Variants in SAMD4B observed in about 807,000 individuals in gnomAD.
SAMD4B encodes sterile alpha motif domain containing 4B.
Under a neutral mutation model 74.5 loss-of-function variants are expected in SAMD4B, and 5 were observed. The observed-to-expected ratio is 0.07, with a 90% CI of 0.04 to 0.14. The LOEUF (loss-of-function observed/expected upper bound fraction) is 0.14, where lower values mean the gene tolerates loss of function less well. Among genes scored for constraint, SAMD4B ranks in the 10% least tolerant of loss-of-function variants. The pLI is 1.00. For missense variants in SAMD4B, 608 were observed against 921.8 expected (o/e 0.66, Z 4.41); for synonymous variants, 373 against 374.9 (o/e 1.00, Z 0.06).
At chr19:39,368,095 TC>T (rs1372682134) in intron 3 of SAMD4B, among the ~76,000 whole-genome samples, 1 of 151,768 alleles carries the variant, frequency 6.6e-6, no homozygotes, top group Non-Finnish European at 1.5e-5. Context: ...GCGCCTGTAG[TC>T]CCAGCTACTC....
At chr19:39,358,248 G>T (rs1378779017) in intron 3 of SAMD4B, among the ~76,000 whole-genome samples, 2 of 152,182 alleles carry the variant, frequency 1.3e-5, no homozygotes, top group Non-Finnish European at 2.9e-5. Flanking sequence ...TCCAGCCTGG[G>T]CTATGAGAGC....
At chr19:39,390,163 T>C (rs1471524254), downstream of SAMD4B, 1 of 1,613,638 alleles carries the variant, frequency 6.2e-7, no homozygotes, top group Non-Finnish European at 8.5e-7. Flanking sequence ...ACTCCAGACC[T>C]AGGAACATTA....
chr19:39,379,575 G>T (rs1223632162), intron 9 of SAMD4B, among the ~76,000 whole-genome samples: 1 of 152,118 alleles, frequency 6.6e-6, no homozygotes, highest in Non-Finnish European at 1.5e-5. Context: ...GATGAGCAAT[G>T]AATCTTTTTT....
chr19:39,378,880 G>A lies in SAMD4B; in HGVS notation c.1530+291G>A, dbSNP rs576513514. Among the ~76,000 whole-genome samples, 1 of 152,374 alleles carries A rather than the reference G, an allele frequency of 6.6e-6. No homozygotes were observed. The highest frequency in any genetic ancestry group is 2.1e-4 in the South Asian group (1 of 4,834). On this transcript the variant is annotated intron_variant, in intron 9 of 13. Transcript: ENST00000610417. This position sits in a 1 kb window ranked among gnomAD's most constrained non-coding sequence, Gnocchi z 4.4. ...GATCGCGCCACTGCACTCCAGCCTGGACGACAGAGTGAGGGAAAGCCTGCC... is the reference window on the plus strand; with the variant it reads ...GATCGCGCCACTGCACTCCAGCCTGAACGACAGAGTGAGGGAAAGCCTGCC...
chr19:39,382,157 T>G (rs569368629), intron 12 of SAMD4B, among the ~76,000 whole-genome samples: 11 of 152,320 alleles, frequency 7.2e-5, no homozygotes, highest in African/African-American at 2.6e-4. Flanking sequence ...TTGATGAGGT[T>G]GTGTAGACAG....
rs767091961 is a variant in SAMD4B, at chr19:39,381,092, G to A, written c.1951G>A (p.Ala651Thr). ...HSLPVHSSPQ[A>T]ILMFPPDCPV... is the part of the protein sequence containing the mutation. ...GCTCCCGGTCCACTCGTCACCCCAG[G>A]CCATTCTCATGTTCCCTCCAGGTGA... is the stretch of plus-strand genomic sequence containing the variant. The change falls in exon 12 of 14, where the codon GCC becomes ACC. Residue 651 changes from alanine (A) to threonine (T), a missense_variant. By Grantham distance (58) the Ala-to-Thr change is moderately conservative (BLOSUM62 0). Around this residue, in one of 9 missense-constraint regions of SAMD4B, gnomAD observed 167 missense variants for 193.0 expected, o/e 0.87. Transcript: ENST00000610417. 4 of 1,611,864 alleles carry A rather than the reference G, an allele frequency of 2.5e-6. No homozygotes were observed. Among genetic ancestry groups the A allele is most frequent in the South Asian group, 1.1e-5 (1 of 90,830 alleles).
In SAMD4B at chr19:39,380,895, G is replaced by A. The variant is rs13344909; in HGVS notation, c.1849-95G>A. Reference sequence around the variant, plus strand: ...CTGGACCCAGCTTAGAGGTGGCGGGGGTGGGAGTGGGAGAAGGCCTGTACC... The same window carrying A: ...CTGGACCCAGCTTAGAGGTGGCGGGAGTGGGAGTGGGAGAAGGCCTGTACC... On this transcript the variant is annotated intron_variant, in intron 11 of 13. Transcript: ENST00000610417. The A allele has an allele frequency of 8.4e-3, 12,778 of 1,521,690 alleles. 588 individuals are homozygous for A. In the African/African-American group the frequency reaches 0.12, roughly 15 times the overall value. 94.3% of individuals were successfully genotyped at this position (1,521,690 alleles called of 1,614,324 possible). A position where few individuals can be genotyped will look rare whatever the true frequency, so the allele number is the denominator to read the frequency against.
At position 39,376,843 on chromosome 19, in the gene SAMD4B, C is replaced by T. The variant is rs377508144; in HGVS notation, c.1104+52C>T. 3.3e-6 allele frequency: 5 copies of T among 1,521,942 alleles called. No homozygotes were observed. In the African/African-American group the frequency reaches 6.9e-5, roughly 21 times the overall value. 94.3% of individuals were successfully genotyped at this position (1,521,942 alleles called of 1,614,324 possible). A position where few individuals can be genotyped will look rare whatever the true frequency, so the allele number is the denominator to read the frequency against. On this transcript the variant is annotated intron_variant, in intron 7 of 13. Transcript: ENST00000610417. The stretch of plus-strand genomic sequence containing the variant: ...AGGCCAGCCAGCCACTTGGTGGTAC[C>T]AGTAGACCAAAGGCCCTGAGTTGGC...
downstream of SAMD4B, among the ~76,000 whole-genome samples, chr19:39,390,448 C>T (rs996069763): frequency 5.9e-5 from 9 of 152,154 alleles, no homozygotes; most frequent in African/African-American, 2.2e-4. Flanking sequence ...TGGAAGGAGA[C>T]AAATGTTCAA....
Position 39,377,710 on chromosome 19 carries a change from G to A in SAMD4B, c.1330G>A (p.Val444Met), listed in dbSNP as rs531956970. The change falls in exon 8 of 14, where the codon GTG (valine) becomes ATG (methionine). Residue 444 changes from valine to methionine, a missense_variant. Around this residue, in one of 9 missense-constraint regions of SAMD4B, gnomAD observed 99 missense variants for 112.1 expected, o/e 0.88. Coordinates refer to ENST00000610417, the MANE Select transcript of SAMD4B (RefSeq NM_001384574.2). ...KGTEAKDPPA[V>M]ENYPPPPAPA... ...CACCGAGGCCAAGGACCCTCCAGCT[G>A]TGGAGAACTACCCACCTCCACCAGC... 1 of 1,614,224 alleles carries A rather than the reference G, an allele frequency of 6.2e-7. No individual in the cohort carries two copies. Among genetic ancestry groups the A allele is most frequent in the East Asian group, 2.2e-5 (1 of 44,882 alleles).
chr19:39,344,539 C>G (rs1044073688), intron 1 of SAMD4B, among the ~76,000 whole-genome samples: 1 of 152,220 alleles, frequency 6.6e-6, no homozygotes, highest in Non-Finnish European at 1.5e-5. Context: ...GATTCCACTT[C>G]TGACATCCCC....
At chr19:39,389,488 G>A (rs771564066), downstream of SAMD4B, 15 of 1,614,144 alleles carry the variant, frequency 9.3e-6, 1 homozygote, top group South Asian at 1.3e-4. The surrounding 1 kb of genome is among the most constrained non-coding windows in gnomAD (Gnocchi z 5.3). Flanking sequence ...ACCTCTTGGA[G>A]CTGGTGGGGG....
rs1312397506 is a variant in SAMD4B at position 39,376,723 on chromosome 19, C to T, written c.1036C>T (p.Arg346Cys). ...LESQNVTKGA[R>C]HKIALSIQKL... ...ATCACAGAACGTCACCAAAGGTGCCCGCCACAAGATAGCCCTGAGCATCCA... is the reference window on the plus strand; with the variant it reads ...ATCACAGAACGTCACCAAAGGTGCCTGCCACAAGATAGCCCTGAGCATCCA... Residue 346 changes from arginine to cysteine, a missense_variant, in exon 7 of 14, where the codon CGC becomes TGC. Arg to Cys is a radical substitution (Grantham distance 180, BLOSUM62 -3). Transcript: ENST00000610417. 2.5e-6 allele frequency: 4 copies of T among 1,614,036 alleles called. No individual in the cohort carries two copies. The highest frequency in any genetic ancestry group is 3.4e-6 in the Non-Finnish European group (4 of 1,180,032).
downstream of SAMD4B, chr19:39,389,082 C>T (rs763721654): frequency 3.7e-6 from 6 of 1,612,046 alleles, no homozygotes; most frequent in Non-Finnish European, 5.1e-6. The surrounding 1 kb of genome is among the most constrained non-coding windows in gnomAD (Gnocchi z 5.3). Context: ...CCATCCCAGT[C>T]CCTCAATTAC....
chr19:39,358,540 G>A (rs1451699427), intron 3 of SAMD4B, among the ~76,000 whole-genome samples: 5 of 150,900 alleles, frequency 3.3e-5, no homozygotes, highest in East Asian at 2.0e-4. Context: ...ATGAGCCACC[G>A]CACCCAGCCA....
chr19:39,380,499 A>G (rs1246086863), intron 10 of SAMD4B, 88 bp from the exon 11 acceptor site: 2 of 1,366,180 alleles, frequency 1.5e-6, no homozygotes, highest in Admixed American at 1.7e-5. Flanking sequence ...CTCTCCTACA[A>G]CTTGGGGTTG....
intron 4 of SAMD4B, among the ~76,000 whole-genome samples, chr19:39,372,756 C>G (rs1253129511): frequency 6.6e-6 from 1 of 152,142 alleles, no homozygotes; most frequent in Non-Finnish European, 1.5e-5. Context: ...CTGCCTACTT[C>G]TTGGCTGAGA....
chr19:39,357,373 G>A (rs1317023907), intron 3 of SAMD4B, among the ~76,000 whole-genome samples: 3 of 152,176 alleles, frequency 2.0e-5, no homozygotes, highest in South Asian at 2.1e-4. Context: ...GCTGCTGAAA[G>A]GAACAGACTA....
At position 39,380,685 on chromosome 19, in the gene SAMD4B, T is replaced by C. The variant is rs1400818606; in HGVS notation, c.1748T>C (p.Leu583Pro). ...QRQFPMPPRALPPGRMGLLSP... is the reference protein window; with the variant it reads ...QRQFPMPPRAPPPGRMGLLSP... Reference sequence around the variant, plus strand: ...CAGTTCCCAATGCCTCCCCGGGCCCTCCCACCCGGCCGGATGGGCCTCCTG... The same window carrying C: ...CAGTTCCCAATGCCTCCCCGGGCCCCCCCACCCGGCCGGATGGGCCTCCTG... Residue 583 changes from leucine (L) to proline (P), a missense_variant, in exon 11 of 14, where the codon CTC (leucine) becomes CCC (proline). Around this residue, in one of 9 missense-constraint regions of SAMD4B, gnomAD observed 167 missense variants for 193.0 expected, o/e 0.87. Transcript: ENST00000610417. The C allele has an allele frequency of 6.2e-7, 1 of 1,613,112 alleles. No individual in the cohort carries two copies. Among genetic ancestry groups the C allele is most frequent in the Non-Finnish European group, 8.5e-7 (1 of 1,179,758 alleles).
Sources: allele counts gnomAD v4.1 joint callset (sites outside exome capture counted in the v4.1 genomes callset), GRCh38; gene constraint gnomAD v4.1.1; regional missense constraint gnomAD v4.1.1; non-coding constraint Gnocchi (gnomAD v3.1); transcripts MANE v1.5; gene names NCBI Gene and HGNC (gene_info 2026-07-23, HGNC 2026-07-21).